ZNF385D: variants seen among roughly 807,000 people sequenced by gnomAD.
ZNF385D encodes zinc finger protein 385D.
ZNF385D carries 15 observed loss-of-function variants against 35.8 expected under a neutral mutation model. The ratio of observed to expected loss-of-function variants is 0.42; its 90% CI spans 0.28 to 0.64. The LOEUF is 0.64. Among genes scored for constraint, ZNF385D ranks in the 30% least tolerant of loss-of-function variants. The pLI, the probability that ZNF385D is intolerant of heterozygous loss-of-function variation, is 0.23. For missense variants in ZNF385D, 474 were observed against 494.6 expected (o/e 0.96, Z 0.39); for synonymous variants, 212 against 186.8 (o/e 1.13, Z -1.10).
At chr3:21,786,508 T>G (rs908217917) in intron 3 of ZNF385D, among the ~76,000 whole-genome samples, 17 of 152,212 alleles carry the variant, frequency 1.1e-4, no homozygotes, top group African/African-American at 4.1e-4. Context: ...ATCAGAAATT[T>G]TGTTCTCATT....
chr3:21,883,913 A>G (rs2125868559), intron 3 of ZNF385D, among the ~76,000 whole-genome samples: 1 of 152,154 alleles, frequency 6.6e-6, no homozygotes, highest in South Asian at 2.1e-4. Flanking sequence ...CACTCTCTTC[A>G]GCAGGAAACC....
intron 3 of ZNF385D, among the ~76,000 whole-genome samples, chr3:21,971,393 G>A (rs1703248012): frequency 6.6e-6 from 1 of 151,734 alleles, no homozygotes; most frequent in Non-Finnish European, 1.5e-5. Context: ...ATGCAATAAA[G>A]GTTAAGTTGT....
At chr3:21,786,892 A>G (rs2071710284) in intron 3 of ZNF385D, among the ~76,000 whole-genome samples, 1 of 152,192 alleles carries the variant, frequency 6.6e-6, no homozygotes, top group Non-Finnish European at 1.5e-5. Context: ...GTAGTCCATT[A>G]TATTATTTGG....
At position 21,650,251 on chromosome 3, in the gene ZNF385D, T is replaced by C. The variant is rs543172431; in HGVS notation, c.165+14635A>G. On this transcript the variant is annotated intron_variant, in intron 2 of 7. Coordinates refer to ENST00000281523, the MANE Select transcript of ZNF385D (RefSeq NM_024697.3). Reference sequence around the variant, plus strand: ...ATATTAAATATAAACAAAGTTCATCTATTTGTCAACTTTAAATCTCCAAAA... The same window carrying C: ...ATATTAAATATAAACAAAGTTCATCCATTTGTCAACTTTAAATCTCCAAAA... 2.6e-5 allele frequency among the ~76,000 whole-genome samples: 4 copies of C among 152,330 alleles called. No individual in the cohort carries two copies. The East Asian group carries it at 7.7e-4, about 29-fold the overall frequency.
intron 5 of ZNF385D, among the ~76,000 whole-genome samples, chr3:21,433,981 C>T (rs1013646836): frequency 1.3e-5 from 2 of 152,070 alleles, no homozygotes; most frequent in African/African-American, 4.8e-5. Flanking sequence ...ACGGTTCATG[C>T]ATTTAAGCCC....
intron 1 of ZNF385D, among the ~76,000 whole-genome samples, chr3:21,740,525 T>C (rs1191343572): frequency 6.6e-6 from 1 of 152,158 alleles, no homozygotes; most frequent in Non-Finnish European, 1.5e-5. Flanking sequence ...GTACCAGCTC[T>C]ATAAAGGATC....
At chr3:21,479,944 T>C (rs1704499597) in intron 4 of ZNF385D, among the ~76,000 whole-genome samples, 1 of 152,148 alleles carries the variant, frequency 6.6e-6, no homozygotes, top group South Asian at 2.1e-4. Flanking sequence ...TTTTTAAAAA[T>C]GGAAATAAAA....
chr3:21,716,797 T>G (rs2125433854), intron 1 of ZNF385D, among the ~76,000 whole-genome samples: 1 of 152,280 alleles, frequency 6.6e-6, no homozygotes, highest in South Asian at 2.1e-4. Flanking sequence ...TGTTTTTTGT[T>G]TTGTTTTGTT....
At position 22,258,352 on chromosome 3, in the gene ZNF385D, T is replaced by A. The variant is rs370561388; in HGVS notation, c.107-89317A>T. On this transcript the variant is annotated intron_variant, in intron 2 of 5. Coordinates refer to the ZNF385D transcript ENST00000494108. The stretch of plus-strand genomic sequence containing the variant: ...AGCAGAATAAGTGAAGAAAAAATAG[T>A]GCACAGTTTTCTCAAGGCAGGATTT... Among the ~76,000 whole-genome samples, 20 of 151,908 alleles carry A rather than the reference T, an allele frequency of 1.3e-4. No individual in the cohort carries two copies. The South Asian group carries it at 3.1e-3, about 24-fold the overall frequency.
intron 3 of ZNF385D, among the ~76,000 whole-genome samples, chr3:22,148,241 T>C (rs748278149): frequency 4.6e-5 from 7 of 152,152 alleles, no homozygotes; most frequent in Non-Finnish European, 8.8e-5. Context: ...AAGTACCAAT[T>C]TGCCAGACCT....
chr3:21,901,032 T>A (rs888496972), intron 3 of ZNF385D, among the ~76,000 whole-genome samples: 13 of 152,232 alleles, frequency 8.5e-5, no homozygotes, highest in African/African-American at 3.1e-4. Context: ...GTATTGCCCT[T>A]GGATGATGAT....
At chr3:21,609,145 C>G (rs938141053) in intron 2 of ZNF385D, among the ~76,000 whole-genome samples, 4 of 152,122 alleles carry the variant, frequency 2.6e-5, no homozygotes, top group African/African-American at 9.7e-5. Flanking sequence ...TAGGCATTTT[C>G]AGAAGAACAC....
intron 4 of ZNF385D, among the ~76,000 whole-genome samples, chr3:21,470,802 T>C (rs539776328): frequency 3.3e-5 from 5 of 152,144 alleles, no homozygotes; most frequent in African/African-American, 1.2e-4. Context: ...TGTCTTTTTG[T>C]AGTGTAATTG....
chr3:21,628,342 C>T (rs2065190324), intron 2 of ZNF385D, among the ~76,000 whole-genome samples: 1 of 152,018 alleles, frequency 6.6e-6, no homozygotes, highest in Non-Finnish European at 1.5e-5. Flanking sequence ...TTGTGTGGTT[C>T]TAGGGAGAAA....
In ZNF385D at chr3:21,513,203, T is replaced by C. The variant is rs116673224; in HGVS notation, c.277-2180A>G. Among the ~76,000 whole-genome samples, 1,510 of 152,020 alleles carry C rather than the reference T, an allele frequency of 9.9e-3. 25 individuals are homozygous for C. Among genetic ancestry groups the C allele is most frequent in the African/African-American group, 0.035 (1,444 of 41,458 alleles). On this transcript the variant is annotated intron_variant, in intron 3 of 7. Coordinates refer to ENST00000281523, the MANE Select transcript of ZNF385D (RefSeq NM_024697.3). Reference sequence around the variant, plus strand: ...AGGAAGCCCACAAGTTAAGAAAGTCTTACACCAAAAAACAAAAACAAAAAC... The same window carrying C: ...AGGAAGCCCACAAGTTAAGAAAGTCCTACACCAAAAAACAAAAACAAAAAC...
chr3:21,515,668 G>A (rs1401133803), intron 3 of ZNF385D, among the ~76,000 whole-genome samples: 1 of 152,172 alleles, frequency 6.6e-6, no homozygotes, highest in African/African-American at 2.4e-5. Flanking sequence ...TCCTGGGCGT[G>A]GGCCAAGCTA....
intron 3 of ZNF385D, among the ~76,000 whole-genome samples, chr3:22,016,941 CACACACACACACACAA>C (rs529862890): frequency 1.4e-3 from 210 of 150,250 alleles, no homozygotes; most frequent in Non-Finnish European, 2.1e-3. Flanking sequence ...ATCGGACACA[CACACACACACACACAA>C]ACACACACAC....
chr3:22,096,610 T>C (rs1282641726), intron 3 of ZNF385D, among the ~76,000 whole-genome samples: 2 of 152,002 alleles, frequency 1.3e-5, no homozygotes, highest in Non-Finnish European at 2.9e-5. Flanking sequence ...TCTGACCCCT[T>C]AGGGTTAAAG....
intron 3 of ZNF385D, among the ~76,000 whole-genome samples, chr3:22,028,229 C>T (rs1179715363): frequency 6.6e-6 from 1 of 152,170 alleles, no homozygotes; most frequent in Non-Finnish European, 1.5e-5. Context: ...TATTAACCAA[C>T]ATGTGACCTC....
Sources: allele counts gnomAD v4.1 joint callset (sites outside exome capture counted in the v4.1 genomes callset), GRCh38; gene constraint gnomAD v4.1.1; transcripts MANE v1.5; gene names NCBI Gene and HGNC (gene_info 2026-07-23, HGNC 2026-07-21).